Variants in EME2 observed in about 807,000 individuals in gnomAD.
EME2 encodes the protein structure-specific endonuclease subunit EME2.
EME2 carries 58 observed loss-of-function variants against 41.9 expected under a neutral mutation model. That is an observed-to-expected ratio of 1.38 (90% CI 1.12 to 1.72). The LOEUF is 1.72. EME2 is among the 40% of genes most tolerant of loss of function. EME2 has a pLI of 0.00. For synonymous variants in EME2, 334 were observed against 239.3 expected, an observed-to-expected ratio of 1.40 and a Z score of -3.65; for missense variants, 695 against 541.9, an observed-to-expected ratio of 1.28 and a Z score of -2.81.
At position 1,774,331 on chromosome 16, in the gene EME2, G is replaced by A; in HGVS notation, c.456G>A (p.Gln152=). Residue 152 remains glutamine (Q), a synonymous_variant, in exon 3 of 8, where the codon CAG becomes CAA. Coordinates refer to ENST00000568449, the MANE Select transcript of EME2 (RefSeq NM_001257370.2). ...LLLLEPEEFL[Q]GVATLTQISG... Reference sequence around the variant, plus strand: ...TGCTGGAGCCCGAGGAGTTTCTGCAGGGCGTCGCCACACTGACCCAGGTGC... The same window carrying A: ...TGCTGGAGCCCGAGGAGTTTCTGCAAGGCGTCGCCACACTGACCCAGGTGC... 1 of 1,612,776 alleles carries A rather than the reference G, an allele frequency of 6.2e-7. No individual in the cohort carries two copies. The highest frequency in any genetic ancestry group is 1.1e-5 in the South Asian group (1 of 91,076).
In EME2 at chr16:1,778,619, G is replaced by C. The variant is rs370951208; in HGVS notation, c.*2381G>C. The C allele has an allele frequency of 1.7e-5, 26 of 1,539,030 alleles. No individual in the cohort carries two copies. In the African/African-American group the frequency reaches 3.4e-4, roughly 20 times the overall value. ...CGGAGTCCGAGTCGCTGTGCTGGGA[G>C]AGAAGGGCCGGCTGTTACTACCTGT... On this transcript the variant is annotated 3_prime_UTR_variant, in exon 8 of 8. Coordinates refer to ENST00000568449, the MANE Select transcript of EME2 (RefSeq NM_001257370.2).
chr16:1,774,928 A>C, intron 3 of EME2, 113 bp from the exon 4 acceptor site: 1 of 825,460 alleles, frequency 1.2e-6, no homozygotes, highest in Non-Finnish European at 2.0e-6. Flanking sequence ...TCCTCTCGGC[A>C]CCACTGGCTC....
intron 4 of EME2, 24 bp downstream of exon 4, chr16:1,775,156 A>G (rs964735532): frequency 6.2e-7 from 1 of 1,610,292 alleles, no homozygotes; most frequent in South Asian, 1.1e-5. Flanking sequence ...TCATGCCCAC[A>G]GCAGGGCTGG....
In EME2 at chr16:1,775,813, C is replaced by G. The variant is rs143404253; in HGVS notation, c.796C>G (p.Gln266Glu). ...QYPLKQYRES[Q>E]AFSFCTAGRW... ...TGTCCCCAGGCAGTACCGGGAATCC[C>G]AGGCCTTCTCCTTCTGCACAGCAGG... is the stretch of plus-strand genomic sequence containing the variant. The change falls in exon 7 of 8, where the codon CAG (glutamine) becomes GAG (glutamate). Residue 266 changes from glutamine to glutamate, a missense_variant. Transcript: ENST00000568449. 1.8e-4 allele frequency: 298 copies of G among 1,612,428 alleles called. No individual in the cohort carries two copies. Among genetic ancestry groups the G allele is most frequent in the Non-Finnish European group, 2.3e-4 (271 of 1,179,806 alleles).
intron 3 of EME2, 66 bp downstream of exon 3, chr16:1,774,418 T>C: frequency 7.4e-7 from 1 of 1,345,902 alleles, no homozygotes; most frequent in Non-Finnish European, 1.1e-6. Flanking sequence ...GGGAGGCGCC[T>C]GCTCCGCCGG....
intron 2 of EME2, among the ~76,000 whole-genome samples, 179 bp downstream of exon 2, chr16:1,774,020 G>T (rs1393372643): frequency 6.6e-6 from 1 of 152,250 alleles, no homozygotes; most frequent in Non-Finnish European, 1.5e-5. Flanking sequence ...GTATAGAGCC[G>T]AGCTGGCTGG....
In EME2 at chr16:1,776,290, C is replaced by T; in HGVS notation, c.*52C>T. Reference sequence around the variant, plus strand: ...TGCAGCCTTGGGGACAGACCAGACACCCTGGGCGGTGGGGGAGGACCCCCA... The same window carrying T: ...TGCAGCCTTGGGGACAGACCAGACATCCTGGGCGGTGGGGGAGGACCCCCA... On this transcript the variant is annotated 3_prime_UTR_variant, in exon 8 of 8. Coordinates refer to ENST00000568449, the MANE Select transcript of EME2 (RefSeq NM_001257370.2). 6.3e-7 allele frequency: 1 copy of T among 1,583,846 alleles called. No individual in the cohort carries two copies. Among genetic ancestry groups the T allele is most frequent in the Middle Eastern group, 1.7e-4 (1 of 5,924 alleles).
rs1018845116 is a variant in EME2 at position 1,773,536 on chromosome 16, C to T, written c.247+62C>T. Reference sequence around the variant, plus strand: ...AAGGCCTTTCTCCGCCAGGCGGCGCCCTCTGTCCGACTGGGCGGGGCGCGC... The same window carrying T: ...AAGGCCTTTCTCCGCCAGGCGGCGCTCTCTGTCCGACTGGGCGGGGCGCGC... On this transcript the variant is annotated intron_variant, in intron 1 of 7. Transcript: ENST00000568449. 29 of 1,536,064 alleles carry T rather than the reference C, an allele frequency of 1.9e-5. No homozygotes were observed. The East Asian group carries it at 4.3e-4, about 23-fold the overall frequency.
rs1032396650 is a variant in EME2, at chr16:1,780,023, G to T, written c.*3785G>T. The T allele has an allele frequency of 1.3e-5, 2 of 152,364 alleles. No individual in the cohort carries two copies. Among genetic ancestry groups the T allele is most frequent in the African/African-American group, 2.4e-5 (1 of 41,476 alleles). 9.4% of individuals were successfully genotyped at this position (152,364 alleles called of 1,614,324 possible). On this transcript the variant is annotated 3_prime_UTR_variant, in exon 8 of 8. Coordinates refer to ENST00000568449, the MANE Select transcript of EME2 (RefSeq NM_001257370.2). ...ACCGGGCTTAGGGAGTCCTCACTCA[G>T]AGGAGAGGAGCCCACCCCTCCCAGG...
rs1175469090 is a variant in EME2, at chr16:1,776,474, T to C, written c.*236T>C. ...GTTCCTGTGCTGAGTCCTGAACACG[T>C]AGGCCCCAGGGGAGGCCTCAGCAGC... On this transcript the variant is annotated 3_prime_UTR_variant, in exon 8 of 8. Transcript: ENST00000568449. 4.6e-6 allele frequency: 2 copies of C among 435,616 alleles called. No individual in the cohort carries two copies. Among genetic ancestry groups the C allele is most frequent in the East Asian group, 3.5e-5 (1 of 28,426 alleles). 27.0% of individuals were successfully genotyped at this position (435,616 alleles called of 1,614,324 possible).
chr16:1,775,879 G>A lies in EME2; in HGVS notation c.862G>A (p.Gly288Arg). Residue 288 changes from glycine (G) to arginine (R), a missense_variant, in exon 7 of 8, where the codon GGG becomes AGG. Gly to Arg is a moderately radical substitution (Grantham distance 125, BLOSUM62 -2). Transcript: ENST00000568449. ...CGAGCCAGTGGCAAGAGACGGCGCAGGGCTGCAGGCGGCCTGGCGGAGGCA... is the reference window on the plus strand; with the variant it reads ...CGAGCCAGTGGCAAGAGACGGCGCAAGGCTGCAGGCGGCCTGGCGGAGGCA... ...AGEPVARDGA[G>R]LQAAWRRQIR... 1.2e-6 allele frequency: 2 copies of A among 1,612,592 alleles called. No individual in the cohort carries two copies. The highest frequency in any genetic ancestry group is 1.7e-6 in the Non-Finnish European group (2 of 1,179,862).
chr16:1,773,495 G>A, intron 1 of EME2, 21 bp downstream of exon 1: 2 of 1,576,352 alleles, frequency 1.3e-6, no homozygotes, highest in Non-Finnish European at 1.7e-6. Context: ...GGGCACGGGC[G>A]ATACTCGGGG....
In EME2 at chr16:1,777,687, G is replaced by C; in HGVS notation, c.*1449G>C. The C allele has an allele frequency of 3.8e-6, 6 of 1,597,168 alleles. No homozygotes were observed. The highest frequency in any genetic ancestry group is 2.1e-4 in the Middle Eastern group (1 of 4,662). On this transcript the variant is annotated 3_prime_UTR_variant, in exon 8 of 8. Coordinates refer to ENST00000568449, the MANE Select transcript of EME2 (RefSeq NM_001257370.2). ...CCTCAGTGTCCCCTGGGCTGGGGCG[G>C]GGTGGCTGCCTCCCTCGGGGTGACA... is the stretch of plus-strand genomic sequence containing the variant.
At position 1,778,610 on chromosome 16, in the gene EME2, G is replaced by A. The variant is rs745629976; in HGVS notation, c.*2372G>A. 1.9e-6 allele frequency: 3 copies of A among 1,547,704 alleles called. No homozygotes were observed. The highest frequency in any genetic ancestry group is 2.3e-5 in the East Asian group (1 of 44,118). On this transcript the variant is annotated 3_prime_UTR_variant, in exon 8 of 8. Coordinates refer to ENST00000568449, the MANE Select transcript of EME2 (RefSeq NM_001257370.2). ...ACTCGGGGTCGGAGTCCGAGTCGCT[G>A]TGCTGGGAGAGAAGGGCCGGCTGTT...
chr16:1,773,879 T>C (rs1385255332), intron 2 of EME2, 38 bp downstream of exon 2: 3 of 1,508,884 alleles, frequency 2.0e-6, no homozygotes, highest in Non-Finnish European at 2.6e-6. Context: ...AGCCGCGAGT[T>C]GGCTGTTTTG....
chr16:1,773,371 G>T lies in EME2; in HGVS notation c.144G>T (p.Ala48=). 1 of 1,531,906 alleles carries T rather than the reference G, an allele frequency of 6.5e-7. No individual in the cohort carries two copies. Among genetic ancestry groups the T allele is most frequent in the Admixed American group, 2.0e-5 (1 of 49,220 alleles). The allele number at this position is 1,531,906 out of a possible 1,614,324, so 94.9% of individuals were successfully genotyped here. A position where few individuals can be genotyped will look rare whatever the true frequency, so the allele number is the denominator to read the frequency against. The change falls in exon 1 of 8, where the codon GCG becomes GCT. Residue 48 remains alanine (A), a synonymous_variant. Coordinates refer to ENST00000568449, the MANE Select transcript of EME2 (RefSeq NM_001257370.2). ...ACTCCGCCGGCTCGGAGGCCGCCGC[G>T]AGAGCCCGGGACCCAGCGGGTGAGC... is the stretch of plus-strand genomic sequence containing the variant. ...AEDSAGSEAA[A]RARDPAGERR...
At position 1,777,788 on chromosome 16, in the gene EME2, C is replaced by T; in HGVS notation, c.*1550C>T. 6.2e-7 allele frequency: 1 copy of T among 1,612,866 alleles called. No individual in the cohort carries two copies. Among genetic ancestry groups the T allele is most frequent in the Admixed American group, 1.7e-5 (1 of 60,012 alleles). On this transcript the variant is annotated 3_prime_UTR_variant, in exon 8 of 8. Transcript: ENST00000568449. ...CTTGAAAAAGGTGAGTGTGCCGTGC[C>T]AGGTGTCCAGGTGCACGCCAATGAT...
chr16:1,773,055 C>A lies in EME2; in HGVS notation c.-173C>A, dbSNP rs1308290832. ...GTCGCGCGGCCTGTTCAGTTGCTCC[C>A]GCAGGGCGCGCACGCGGCGGGCCAG... On this transcript the variant is annotated 5_prime_UTR_variant, in exon 1 of 8. Transcript: ENST00000568449. 1 of 1,421,152 alleles carries A rather than the reference C, an allele frequency of 7.0e-7. No homozygotes were observed. Among genetic ancestry groups the A allele is most frequent in the East Asian group, 2.8e-5 (1 of 35,270 alleles). 88.0% of individuals were successfully genotyped at this position (1,421,152 alleles called of 1,614,324 possible).
rs751359894 is a variant in EME2, at chr16:1,778,091, G to A, written c.*1853G>A. On this transcript the variant is annotated 3_prime_UTR_variant, in exon 8 of 8. Transcript: ENST00000568449. ...GCAGAGGGCGCGGGGCTGGGCTGCC[G>A]GAGCCAGGTTCCCCAGAAGCACCCT... is the stretch of plus-strand genomic sequence containing the variant. The A allele has an allele frequency of 2.5e-5, 40 of 1,612,896 alleles. No individual in the cohort carries two copies. Among genetic ancestry groups the A allele is most frequent in the Middle Eastern group, 1.6e-4 (1 of 6,062 alleles).
Sources: allele counts gnomAD v4.1 joint callset (sites outside exome capture counted in the v4.1 genomes callset), GRCh38; gene constraint gnomAD v4.1.1; transcripts MANE v1.5; gene names NCBI Gene and HGNC (gene_info 2026-07-23, HGNC 2026-07-21).